The following GIGYF2 variants were observed in gnomAD, a reference collection of about 807,000 sequenced individuals.
GIGYF2 encodes the protein GRB10 interacting GYF protein 2, also known as GRB10-interacting GYF protein 2.
Under a neutral mutation model 208.1 loss-of-function variants are expected in GIGYF2, and 25 were observed. That is an observed-to-expected ratio of 0.12 (90% CI 0.09 to 0.17). The LOEUF (loss-of-function observed/expected upper bound fraction) is 0.17, where lower values mean the gene tolerates loss of function less well. Ranked by LOEUF, GIGYF2 falls within the 10% of genes least tolerant of loss-of-function variation. The pLI, the probability that GIGYF2 is intolerant of heterozygous loss-of-function variation, is 1.00. For missense variants in GIGYF2, 1,302 were observed against 1,579.4 expected (o/e 0.82, Z 2.98); for synonymous variants, 534 against 543.8 (o/e 0.98, Z 0.25).
At chr2:232,748,362 A>G (rs1574833461) in intron 4 of GIGYF2, among the ~76,000 whole-genome samples, 1 of 152,188 alleles carries the variant, frequency 6.6e-6, no homozygotes, top group East Asian at 1.9e-4. Flanking sequence ...ATCTCACTGC[A>G]ACCTCTGCAA....
chr2:232,810,386 A>G (rs901655184), intron 16 of GIGYF2: 3 of 154,438 alleles, frequency 1.9e-5, no homozygotes, highest in African/African-American at 4.8e-5. Context: ...TCAGCTTTGA[A>G]TGCCACAGAG....
At chr2:232,854,159 T>C (rs1386713608) in intron 28 of GIGYF2, among the ~76,000 whole-genome samples, 1 of 152,236 alleles carries the variant, frequency 6.6e-6, no homozygotes, top group Non-Finnish European at 1.5e-5. Context: ...GACTGGCCTT[T>C]AGGTTCTTGT....
At chr2:232,833,815 G>T (rs964162627) in intron 22 of GIGYF2, among the ~76,000 whole-genome samples, 1 of 152,044 alleles carries the variant, frequency 6.6e-6, no homozygotes, top group East Asian at 1.9e-4. Flanking sequence ...TTGGCCATAG[G>T]CATTTATTGA....
intron 3 of GIGYF2, among the ~76,000 whole-genome samples, chr2:232,742,898 G>A (rs541902870): frequency 4.6e-5 from 7 of 152,182 alleles, no homozygotes; most frequent in African/African-American, 7.2e-5. Flanking sequence ...TATTGAACCT[G>A]ATGGGCTTTA....
chr2:232,763,802 G>A (rs1354071816), intron 8 of GIGYF2, among the ~76,000 whole-genome samples: 4 of 151,460 alleles, frequency 2.6e-5, no homozygotes, highest in African/African-American at 9.7e-5. Flanking sequence ...CTGCACTCCA[G>A]CCTGGCTGGC....
chr2:232,720,856 A>G (rs573309880), intron 2 of GIGYF2, among the ~76,000 whole-genome samples: 17 of 152,160 alleles, frequency 1.1e-4, no homozygotes, highest in Admixed American at 9.2e-4. Context: ...CAGCCTCCCA[A>G]AGTGCTGGGA....
intron 12 of GIGYF2, among the ~76,000 whole-genome samples, chr2:232,793,502 C>T (rs1700132390): frequency 6.6e-6 from 1 of 152,108 alleles, no homozygotes; most frequent in South Asian, 2.1e-4. Flanking sequence ...ATTATGGTGC[C>T]ATTCACCATA....
chr2:232,801,656 G>A (rs1439174589), intron 14 of GIGYF2, among the ~76,000 whole-genome samples: 2 of 152,126 alleles, frequency 1.3e-5, no homozygotes, highest in Non-Finnish European at 2.9e-5. Context: ...AATCTACTTG[G>A]CAGTGTTTTT....
Position 232,735,191 on chromosome 2 carries a change from G to A in GIGYF2, c.-7G>A, listed in dbSNP as rs1697682192. On this transcript the variant is annotated 5_prime_UTR_variant, in exon 3 of 29. Coordinates refer to ENST00000373563, the MANE Select transcript of GIGYF2 (RefSeq NM_001103146.3). ...TATAAAAATCTATTGTAAAAATACGGAAAAGAATGGCAGCGGAAACGCAGA... is the reference window on the plus strand; with the variant it reads ...TATAAAAATCTATTGTAAAAATACGAAAAAGAATGGCAGCGGAAACGCAGA... 1 of 1,596,902 alleles carries A rather than the reference G, an allele frequency of 6.3e-7. No homozygotes were observed. The highest frequency in any genetic ancestry group is 1.3e-5 in the African/African-American group (1 of 74,632).
chr2:232,700,505 T>A (rs1463500225), intron 1 of GIGYF2: 1 of 152,138 alleles, frequency 6.6e-6, no homozygotes, highest in Non-Finnish European at 1.5e-5. Context: ...CATTTTCAAA[T>A]TTTGACTTTG....
intron 2 of GIGYF2, among the ~76,000 whole-genome samples, chr2:232,704,960 C>A (rs1051695569): frequency 7.0e-6 from 1 of 143,476 alleles, no homozygotes; most frequent in Non-Finnish European, 1.5e-5. Context: ...CCCGGGTTCA[C>A]GCAATTCTCC....
chr2:232,811,469 C>T, intron 17 of GIGYF2, 118 bp downstream of exon 17: 2 of 719,290 alleles, frequency 2.8e-6, no homozygotes, highest in East Asian at 5.3e-5. Flanking sequence ...CCAACACATA[C>T]CTGCATGTTG....
intron 2 of GIGYF2, among the ~76,000 whole-genome samples, chr2:232,715,605 A>C (rs1696642616): frequency 6.6e-6 from 1 of 152,008 alleles, no homozygotes; most frequent in African/African-American, 2.4e-5. Context: ...GTTCTTTGTT[A>C]ATTCCTTAGG....
chr2:232,703,317 G>T (rs1695940907), intron 1 of GIGYF2, 107 bp from the exon 2 acceptor site: 1 of 152,590 alleles, frequency 6.6e-6, no homozygotes, highest in African/African-American at 2.4e-5. Context: ...TTTTAACCAG[G>T]TTTGGAAGCC....
At chr2:232,809,130 A>G (rs776888300) in intron 15 of GIGYF2, among the ~76,000 whole-genome samples, 1 of 152,022 alleles carries the variant, frequency 6.6e-6, no homozygotes, top group Non-Finnish European at 1.5e-5. Flanking sequence ...TTTTTAGTGG[A>G]GACGGGGTTT....
At chr2:232,711,290 G>A (rs1353616613) in intron 2 of GIGYF2, among the ~76,000 whole-genome samples, 1 of 147,472 alleles carries the variant, frequency 6.8e-6, no homozygotes, top group Non-Finnish European at 1.5e-5. Context: ...TATAGAGATA[G>A]GGTTTCACCA....
chr2:232,773,818 T>C (rs1352856437), intron 8 of GIGYF2, among the ~76,000 whole-genome samples: 1 of 149,020 alleles, frequency 6.7e-6, no homozygotes, highest in African/African-American at 2.5e-5. Flanking sequence ...CGTGTCTGGC[T>C]CCCAGCACTT....
chr2:232,814,565 ACC>A (rs35081043), intron 18 of GIGYF2, among the ~76,000 whole-genome samples: 1 of 75,946 alleles, frequency 1.3e-5, no homozygotes, highest in Non-Finnish European at 2.7e-5. Context: ...TCCACCTCAA[ACC>A]CCCCCCCCCC....
chr2:232,846,839 A>T (rs1488285689), intron 26 of GIGYF2, among the ~76,000 whole-genome samples: 1 of 152,234 alleles, frequency 6.6e-6, no homozygotes, highest in Non-Finnish European at 1.5e-5. Context: ...ACAGCCAGCA[A>T]ATTTCAGAGT....
Sources: gnomAD v4.1 joint callset for allele counts (sites outside exome capture counted in the v4.1 genomes callset) on GRCh38, gnomAD v4.1.1 for gene constraint, MANE v1.5 for transcripts, NCBI Gene and HGNC (gene_info 2026-07-23, HGNC 2026-07-21) for gene names.